The following MSRA variants were observed in gnomAD, a reference collection of about 807,000 sequenced individuals.
The protein encoded by MSRA is mitochondrial peptide methionine sulfoxide reductase.
Under a neutral mutation model 31.3 loss-of-function variants are expected in MSRA, and 54 were observed. The ratio of observed to expected loss-of-function variants is 1.73; its 90% CI spans 1.39 to 2.17. The LOEUF is 2.17. Ranked by LOEUF, MSRA falls within the 30% of genes most tolerant of loss-of-function variation. The probability of loss-of-function intolerance (pLI) is 0.00; values close to 1 mark genes in which losing one functional copy is unlikely to be tolerated. For synonymous variants in MSRA, 169 were observed against 116.5 expected (o/e 1.45, Z -2.90); for missense variants, 507 against 300.9 (o/e 1.69, Z -5.07).
At chr8:10,351,273 T>TTTTTTTA (rs1554536323) in intron 5 of MSRA, among the ~76,000 whole-genome samples, 1 of 143,134 alleles carries the variant, frequency 7.0e-6, no homozygotes. Flanking sequence ...TTTTTTTTTT[T>TTTTTTTA]AGACGGAGTC....
intron 3 of MSRA, among the ~76,000 whole-genome samples, chr8:10,287,014 C>G (rs951604648): frequency 1.3e-5 from 2 of 152,200 alleles, no homozygotes; most frequent in African/African-American, 4.8e-5. Flanking sequence ...GCTACAGTGC[C>G]AATGCCCTTG....
At chr8:10,351,232 G>T (rs1804121842) in intron 5 of MSRA, among the ~76,000 whole-genome samples, 1 of 131,638 alleles carries the variant, frequency 7.6e-6, no homozygotes. Context: ...GGTTGTTTTT[G>T]CTCTGAAGGA....
intron 4 of MSRA, among the ~76,000 whole-genome samples, chr8:10,316,274 T>C (rs954695639): frequency 6.6e-6 from 1 of 151,788 alleles, no homozygotes; most frequent in Non-Finnish European, 1.5e-5. Context: ...ATCGGAATAA[T>C]AGTGGTTAAG....
At chr8:10,319,100 T>A (rs1471309279) in intron 4 of MSRA, among the ~76,000 whole-genome samples, 1 of 152,118 alleles carries the variant, frequency 6.6e-6, no homozygotes, top group Non-Finnish European at 1.5e-5. Flanking sequence ...CTGCACAGAT[T>A]TTCCCTTAAC....
chr8:10,311,474 G>GT lies in MSRA; in HGVS notation c.437-8409_437-8408insT, dbSNP rs560356835. Among the ~76,000 whole-genome samples, 14 of 152,120 alleles carry GT rather than the reference G, an allele frequency of 9.2e-5. 1 individual carries two copies. In the South Asian group the frequency reaches 1.9e-3, roughly 20 times the overall value. The stretch of plus-strand genomic sequence containing the variant: ...CATAAGATGCTGTACCCCACACCTG[G>GT]GGGGGCGCCTTCTTCTCAATCACAC... On this transcript the variant is annotated intron_variant, in intron 4 of 5. Transcript: ENST00000317173.
At position 10,094,112 on chromosome 8, in the gene MSRA, C is replaced by T. The variant is rs563113527; in HGVS notation, c.142+39454C>T. On this transcript the variant is annotated intron_variant, in intron 1 of 5. Transcript: ENST00000317173. ...CACTGTTAGTCTGCCCACGTTTCAT[C>T]ATCCCTATTTGAAGGGACAGCATGG... 2.6e-5 allele frequency among the ~76,000 whole-genome samples: 4 copies of T among 152,346 alleles called. No individual in the cohort carries two copies. In the South Asian group the frequency reaches 8.3e-4, roughly 32 times the overall value.
chr8:10,145,151 G>C (rs1030582552), intron 1 of MSRA, among the ~76,000 whole-genome samples: 1 of 152,196 alleles, frequency 6.6e-6, no homozygotes, highest in Admixed American at 6.5e-5. Context: ...CACTGGCGGA[G>C]CTGAGTCAAA....
At chr8:10,190,430 T>C (rs1357064642) in intron 1 of MSRA, among the ~76,000 whole-genome samples, 1 of 152,200 alleles carries the variant, frequency 6.6e-6, no homozygotes, top group Non-Finnish European at 1.5e-5. Context: ...CCCCAGCACG[T>C]CATGCTGCTA....
intron 3 of MSRA, among the ~76,000 whole-genome samples, chr8:10,284,464 G>C (rs1304683210): frequency 6.6e-6 from 1 of 152,128 alleles, no homozygotes; most frequent in South Asian, 2.1e-4. Flanking sequence ...AAAGTGCTGG[G>C]ATTACAGGCA....
intron 5 of MSRA, among the ~76,000 whole-genome samples, chr8:10,371,174 G>A (rs1042369523): frequency 6.6e-6 from 1 of 152,294 alleles, no homozygotes; most frequent in Admixed American, 6.5e-5. Context: ...TTTAGGATAT[G>A]TTATTTTGGA....
intron 1 of MSRA, among the ~76,000 whole-genome samples, chr8:10,180,278 C>T (rs1323975904): frequency 6.6e-6 from 1 of 152,138 alleles, no homozygotes; most frequent in Non-Finnish European, 1.5e-5. Context: ...CAACTCAGGA[C>T]CAACCCAATG....
intron 1 of MSRA, among the ~76,000 whole-genome samples, chr8:10,161,659 TGAGCTGGAG>T (rs1021516033): frequency 1.3e-5 from 2 of 152,090 alleles, no homozygotes; most frequent in African/African-American, 4.8e-5. Flanking sequence ...GAGAACGTGG[TGAGCTGGAG>T]AGAATGCAGG....
At position 10,174,367 on chromosome 8, in the gene MSRA, G is replaced by A. The variant is rs185976048; in HGVS notation, c.143-33466G>A. On this transcript the variant is annotated intron_variant, in intron 1 of 5. Coordinates refer to ENST00000317173, the MANE Select transcript of MSRA (RefSeq NM_012331.5). ...CGAAGGCATGGCTAGGGGTGGACTC[G>A]GGATGGAGGAGCCCAGGAGGCTTCC... Among the ~76,000 whole-genome samples, 578 of 152,188 alleles carry A rather than the reference G, an allele frequency of 3.8e-3. 2 individuals are homozygous for A. The highest frequency in any genetic ancestry group is 5.7e-3 in the Non-Finnish European group (386 of 68,020).
intron 5 of MSRA, among the ~76,000 whole-genome samples, chr8:10,351,814 A>T (rs952071507): frequency 6.6e-6 from 1 of 152,234 alleles, no homozygotes; most frequent in Non-Finnish European, 1.5e-5. Context: ...AGATTCGGAT[A>T]CAGCAGGTCT....
chr8:10,282,487 A>G (rs1563305546), intron 3 of MSRA, among the ~76,000 whole-genome samples: 2 of 152,334 alleles, frequency 1.3e-5, no homozygotes, highest in South Asian at 2.1e-4. Context: ...TTGCCAGCAT[A>G]GTCGACATTG....
intron 3 of MSRA, among the ~76,000 whole-genome samples, chr8:10,297,224 A>G (rs1189481967): frequency 6.6e-6 from 1 of 152,056 alleles, no homozygotes; most frequent in Non-Finnish European, 1.5e-5. Context: ...AATCCAAGGA[A>G]TGGCTGCCTT....
At chr8:10,257,647 A>T (rs758966506) in intron 3 of MSRA, among the ~76,000 whole-genome samples, 23 of 152,214 alleles carry the variant, frequency 1.5e-4, no homozygotes, top group Admixed American at 3.3e-4. Context: ...ATCCCAGGTG[A>T]TTCATTTACT....
intron 5 of MSRA, among the ~76,000 whole-genome samples, chr8:10,400,352 A>T (rs1018285059): frequency 1.0e-5 from 1 of 97,958 alleles, no homozygotes; most frequent in Non-Finnish European, 2.2e-5. Context: ...CCTATGACCT[A>T]TTCAGGCTCT....
At chr8:10,243,205 C>A (rs901784413) in intron 2 of MSRA, among the ~76,000 whole-genome samples, 1 of 152,052 alleles carries the variant, frequency 6.6e-6, no homozygotes, top group Non-Finnish European at 1.5e-5. Context: ...CGCTGTTAGT[C>A]GTTGTGCAGC....
Sources: allele counts gnomAD v4.1 joint callset (sites outside exome capture counted in the v4.1 genomes callset), GRCh38; gene constraint gnomAD v4.1.1; transcripts MANE v1.5; gene names NCBI Gene and HGNC (gene_info 2026-07-23, HGNC 2026-07-21).